Variants in MSI2 observed in about 807,000 individuals in gnomAD.
MSI2 encodes RNA-binding protein Musashi homolog 2.
A neutral mutation model predicts 45.6 loss-of-function variants in MSI2; 17 were observed. The ratio of observed to expected loss-of-function variants is 0.37; its 90% confidence interval spans 0.26 to 0.56. The LOEUF is 0.56. Among genes scored for constraint, MSI2 ranks in the 20% least tolerant of loss-of-function variants. MSI2 has a pLI of 0.77. For missense variants in MSI2, 293 were observed against 444.2 expected, an observed-to-expected ratio of 0.66 and a Z score of 3.06; for synonymous variants, 156 against 158.2, an observed-to-expected ratio of 0.99 and a Z score of 0.11.
In MSI2 at chr17:57,354,648, G is replaced by A. The variant is rs1017406129; in HGVS notation, c.313-46731G>A. On this transcript the variant is annotated intron_variant, in intron 5 of 13. Coordinates refer to ENST00000284073, the MANE Select transcript of MSI2 (RefSeq NM_138962.4). The stretch of plus-strand genomic sequence containing the variant: ...TGAGATAGGAGAAAGCTTGATAAGT[G>A]TGAACCTCCAGGAAGTGCAGGTGAG... 2.6e-5 allele frequency among the ~76,000 whole-genome samples: 4 copies of A among 152,244 alleles called. No homozygotes were observed. In the East Asian group the frequency reaches 5.8e-4, roughly 22 times the overall value.
At chr17:57,660,057 G>T (rs1186155375) in intron 11 of MSI2, among the ~76,000 whole-genome samples, 2 of 152,148 alleles carry the variant, frequency 1.3e-5, no homozygotes, top group Non-Finnish European at 2.9e-5. Flanking sequence ...AAATATTATG[G>T]GGGATTTATT....
At chr17:57,615,624 T>A (rs1907611879) in intron 8 of MSI2, among the ~76,000 whole-genome samples, 3 of 152,192 alleles carry the variant, frequency 2.0e-5, no homozygotes, top group Admixed American at 2.0e-4. Flanking sequence ...CTATTGTTGT[T>A]ATTATTCACA....
intron 5 of MSI2, among the ~76,000 whole-genome samples, chr17:57,355,478 GTC>G (rs1916347574): frequency 6.6e-6 from 1 of 152,168 alleles, no homozygotes; most frequent in African/African-American, 2.4e-5. Context: ...GTCCTCTTTG[GTC>G]TCCCTTATTT....
At chr17:57,495,243 T>G (rs2085952422) in intron 6 of MSI2, among the ~76,000 whole-genome samples, 1 of 152,098 alleles carries the variant, frequency 6.6e-6, no homozygotes, top group South Asian at 2.1e-4. Flanking sequence ...CTTTGAAAGC[T>G]TCATATGGGC....
chr17:57,603,277 CT>C (rs1906123084), intron 8 of MSI2, among the ~76,000 whole-genome samples: 1 of 152,210 alleles, frequency 6.6e-6, no homozygotes, highest in South Asian at 2.1e-4. Flanking sequence ...GCATGCATCT[CT>C]TGGGGTAAAG....
the MSI2 span, among the ~76,000 whole-genome samples, chr17:57,691,201 ATCTATCTATCT>A: frequency 1.2e-3 from 10 of 8,598 alleles, no homozygotes; most frequent in African/African-American, 4.2e-3. Context: ...TCTCTCTCTC[ATCTATCTATCT>A]ATCTATCTAT....
chr17:57,562,259 A>G (rs1219945409), intron 7 of MSI2, among the ~76,000 whole-genome samples: 1 of 152,218 alleles, frequency 6.6e-6, no homozygotes, highest in Non-Finnish European at 1.5e-5. Context: ...GTGGCATCTC[A>G]AGATGTTCAG....
chr17:57,495,516 G>A (rs1200601399), intron 6 of MSI2, among the ~76,000 whole-genome samples: 2 of 120,776 alleles, frequency 1.7e-5, no homozygotes, highest in African/African-American at 3.3e-5. Flanking sequence ...CTGGGTGACA[G>A]AGCGAGACTC....
Position 57,472,049 on chromosome 17 carries a change from G to A in MSI2, c.406-57627G>A, listed in dbSNP as rs528553985. Among the ~76,000 whole-genome samples the A allele has an allele frequency of 5.3e-5, 8 of 152,296 alleles. No individual in the cohort carries two copies. The South Asian group carries it at 1.7e-3, about 32-fold the overall frequency. The stretch of plus-strand genomic sequence containing the variant: ...AGCTTCTCTCTTGCTGTGGGTGGGC[G>A]TGCCCTTGCTGACACAGGGGGCGAG... On this transcript the variant is annotated intron_variant, in intron 6 of 13. Coordinates refer to ENST00000284073, the MANE Select transcript of MSI2 (RefSeq NM_138962.4).
rs77558127 is a variant in MSI2, at chr17:57,436,834, C to A, written c.405+35363C>A. Among the ~76,000 whole-genome samples the A allele has an allele frequency of 5.1e-3, 783 of 152,264 alleles. 3 individuals carry two copies. Among genetic ancestry groups the A allele is most frequent in the African/African-American group, 0.018 (751 of 41,550 alleles). The stretch of plus-strand genomic sequence containing the variant: ...CCCAAGGTCAGACAGGGTTATTCTG[C>A]AAGCAGAGATGAGTACTGACAGTAC... On this transcript the variant is annotated intron_variant, in intron 6 of 13. Coordinates refer to ENST00000284073, the MANE Select transcript of MSI2 (RefSeq NM_138962.4).
At chr17:57,357,348 C>T (rs577810789) in intron 5 of MSI2, among the ~76,000 whole-genome samples, 4 of 152,068 alleles carry the variant, frequency 2.6e-5, no homozygotes, top group Non-Finnish European at 5.9e-5. Flanking sequence ...AGTCCACCGC[C>T]GGTGGGAAAA....
intron 11 of MSI2, among the ~76,000 whole-genome samples, chr17:57,663,511 C>T (rs1912156365): frequency 6.6e-6 from 1 of 152,082 alleles, no homozygotes; most frequent in South Asian, 2.1e-4. Context: ...GGCTTCTGAC[C>T]TTGGGGAGAA....
chr17:57,622,258 G>GGCACCA (rs1567942156), intron 9 of MSI2, among the ~76,000 whole-genome samples: 8 of 152,332 alleles, frequency 5.3e-5, no homozygotes, highest in Admixed American at 1.3e-4. Flanking sequence ...TTGCGGCACC[G>GGCACCA]CACCAAGAGG....
At chr17:57,285,723 T>A in intron 5 of MSI2, 1 of 706,284 alleles carries the variant, frequency 1.4e-6, no homozygotes, top group African/African-American at 1.8e-5. Context: ...TCTCCCCAAG[T>A]AGGTATTCCT....
intron 6 of MSI2, among the ~76,000 whole-genome samples, chr17:57,477,150 GTGTGTGTGTGTGTGTGT>G (rs2085555235): frequency 4.4e-5 from 1 of 22,486 alleles, no homozygotes; most frequent in Non-Finnish European, 1.0e-4. Context: ...GGCCTGGTGT[GTGTGTGTGTGTGTGTGT>G]GTGTGTGTGT....
chr17:57,599,810 C>G (rs1905666970), intron 8 of MSI2, among the ~76,000 whole-genome samples: 1 of 152,130 alleles, frequency 6.6e-6, no homozygotes, highest in Admixed American at 6.5e-5. Context: ...TTGCTGAGCT[C>G]CAGTAAGACA....
At chr17:57,268,803 C>T (rs1410718797) in intron 5 of MSI2, among the ~76,000 whole-genome samples, 6 of 152,146 alleles carry the variant, frequency 3.9e-5, no homozygotes, top group Non-Finnish European at 7.3e-5. Flanking sequence ...CCACTGCACT[C>T]CAGCCTAGGT....
chr17:57,557,085 G>A (rs759408926), intron 7 of MSI2, among the ~76,000 whole-genome samples: 2 of 152,176 alleles, frequency 1.3e-5, no homozygotes, highest in Non-Finnish European at 2.9e-5. Context: ...CAAGATGCCC[G>A]ATAATAGCGT....
intron 10 of MSI2, among the ~76,000 whole-genome samples, chr17:57,637,295 C>T (rs990761249): frequency 4.6e-5 from 7 of 152,212 alleles, no homozygotes; most frequent in South Asian, 2.1e-4. Context: ...AAACCCAGAC[C>T]GACCGCGGCA....
Sources: gnomAD v4.1 joint callset for allele counts (sites outside exome capture counted in the v4.1 genomes callset) on GRCh38, gnomAD v4.1.1 for gene constraint, MANE v1.5 for transcripts, NCBI Gene and HGNC (gene_info 2026-07-23, HGNC 2026-07-21) for gene names.